OTOF: variants seen among roughly 807,000 people sequenced by gnomAD.
OTOF encodes otoferlin, also known as fer-1-like family member 2.
A neutral mutation model predicts 236.8 loss-of-function variants in OTOF; 218 were observed. The ratio of observed to expected loss-of-function variants is 0.92; its 90% CI spans 0.82 to 1.03. OTOF has a LOEUF of 1.03. OTOF is among the 50% of genes least tolerant of loss of function. OTOF has a pLI of 0.00. For synonymous variants in OTOF, 1,041 were observed against 1,072.5 expected, an observed-to-expected ratio of 0.97 and a Z score of 0.57; for missense variants, 2,590 against 2,694.4, an observed-to-expected ratio of 0.96 and a Z score of 0.86.
chr2:26,486,664 A>G (rs932597745), intron 11 of OTOF, among the ~76,000 whole-genome samples: 4 of 152,212 alleles, frequency 2.6e-5, no homozygotes, highest in Admixed American at 1.3e-4. Context: ...GAAAGTGAAG[A>G]TATCTAAAAT....
At chr2:26,551,245 C>T (rs973913233) in intron 1 of OTOF, among the ~76,000 whole-genome samples, 6 of 152,258 alleles carry the variant, frequency 3.9e-5, no homozygotes, top group Non-Finnish European at 8.8e-5. Flanking sequence ...CCCGCCTTGG[C>T]CTCCCAAAGT....
At chr2:26,545,949 C>T (rs1426444771) in intron 1 of OTOF, among the ~76,000 whole-genome samples, 1 of 152,122 alleles carries the variant, frequency 6.6e-6, no homozygotes, top group Non-Finnish European at 1.5e-5. Flanking sequence ...GACCCTTGAA[C>T]AACACAGGGA....
intron 5 of OTOF, among the ~76,000 whole-genome samples, chr2:26,515,800 G>C (rs1020918575): frequency 1.3e-5 from 2 of 152,162 alleles, no homozygotes; most frequent in East Asian, 3.8e-4. Flanking sequence ...TAATACAATT[G>C]CATTTTCTGT....
In OTOF at chr2:26,461,034, T is replaced by C. The variant is rs1558465575; in HGVS notation, c.5534-4A>G. On this transcript the variant is annotated splice_polypyrimidine_tract_variant and splice_region_variant and intron_variant, in intron 43 of 46. Transcript: ENST00000272371. This position sits in a 1 kb window ranked among gnomAD's most constrained non-coding sequence, Gnocchi z 6.2. ...TTCAGGTCCAGCTCGATGGCCCCTG[T>C]GGCAACCTCAGTGTCAGCTCAGAGT... 4.5e-6 allele frequency: 6 copies of C among 1,332,438 alleles called. No individual in the cohort carries two copies. In the East Asian group the frequency reaches 2.5e-4, roughly 54 times the overall value. 82.5% of individuals were successfully genotyped at this position (1,332,438 alleles called of 1,614,324 possible).
Position 26,472,796 on chromosome 2 carries a change from G to A in OTOF, c.3734-147C>T, listed in dbSNP as rs1376272883. On this transcript the variant is annotated intron_variant, in intron 29 of 46. Transcript: ENST00000272371. ...ACAGGCAGTCAAGGGAGAAAATATGGGCATGGGGAGGGAAGAAGAGAGCCC... is the reference window on the plus strand; with the variant it reads ...ACAGGCAGTCAAGGGAGAAAATATGAGCATGGGGAGGGAAGAAGAGAGCCC... The A allele has an allele frequency of 5.9e-6, 5 of 841,128 alleles. No homozygotes were observed. The South Asian group carries it at 7.3e-5, about 12-fold the overall frequency. The allele number at this position is 841,128 out of a possible 1,614,324, so 52.1% of individuals were successfully genotyped here.
intron 1 of OTOF, among the ~76,000 whole-genome samples, chr2:26,546,536 C>T (rs1667337868): frequency 6.6e-6 from 1 of 151,790 alleles, no homozygotes; most frequent in East Asian, 1.9e-4. Context: ...GTGAACCCTC[C>T]AATTCTCTTC....
In OTOF at chr2:26,482,627, ATGTGTGTGTGAGTGGGTGCATGTG is replaced by A. The variant is rs775557512; in HGVS notation, c.1393-59_1393-36del. 1.0e-4 allele frequency: 162 copies of A among 1,586,092 alleles called. 3 individuals carry two copies. In the South Asian group the frequency reaches 1.7e-3, roughly 16 times the overall value. On this transcript the variant is annotated intron_variant, in intron 13 of 46. Transcript: ENST00000272371. ...GGGGGAGCACAGGTGAGGGCGTGGC[ATGTGTGTGTGAGTGGGTGCATGTG>A]TGTGTGTGTGAGTGGGCGCATGTGT...
intron 16 of OTOF, among the ~76,000 whole-genome samples, 192 bp downstream of exon 16, chr2:26,480,011 C>T (rs955370151): frequency 2.6e-5 from 4 of 152,266 alleles, no homozygotes; most frequent in Non-Finnish European, 5.9e-5. Context: ...GGGCGTGGTC[C>T]ACCCCATGCA....
chr2:26,512,631 T>C (rs887785268), intron 5 of OTOF, among the ~76,000 whole-genome samples: 2 of 152,304 alleles, frequency 1.3e-5, no homozygotes, highest in East Asian at 3.9e-4. Flanking sequence ...TCCCTATACC[T>C]GCCCCTGGGC....
intron 15 of OTOF, 116 bp downstream of exon 15, chr2:26,480,670 G>A: frequency 1.2e-6 from 1 of 842,390 alleles, no homozygotes; most frequent in Non-Finnish European, 2.0e-6. Flanking sequence ...TTATCCTGAG[G>A]TATGACTCCT....
chr2:26,536,972 C>T (rs377466545), intron 2 of OTOF, among the ~76,000 whole-genome samples: 3 of 152,174 alleles, frequency 2.0e-5, no homozygotes, highest in Middle Eastern at 3.2e-3. Context: ...GGCCAGGTAC[C>T]GAGGGGAAGG....
At chr2:26,540,627 C>G (rs1206828414) in intron 1 of OTOF, among the ~76,000 whole-genome samples, 1 of 152,072 alleles carries the variant, frequency 6.6e-6, no homozygotes, top group African/African-American at 2.4e-5. Flanking sequence ...TAGTTCAATG[C>G]AGAGCTCCCC....
In OTOF at chr2:26,532,929, T is replaced by C. The variant is rs145859293; in HGVS notation, c.138+4787A>G. Among the ~76,000 whole-genome samples the C allele has an allele frequency of 2.9e-4, 44 of 152,268 alleles. No individual in the cohort carries two copies. The East Asian group carries it at 7.3e-3, about 25-fold the overall frequency. ...TAGCATCCTTAAAGGGACAGGGCTATAGGTTTGGGGGAAAATATTGAGATG... is the reference window on the plus strand; with the variant it reads ...TAGCATCCTTAAAGGGACAGGGCTACAGGTTTGGGGGAAAATATTGAGATG... On this transcript the variant is annotated intron_variant, in intron 2 of 46. Coordinates refer to ENST00000272371, the MANE Select transcript of OTOF (RefSeq NM_194248.3).
intron 1 of OTOF, among the ~76,000 whole-genome samples, chr2:26,540,726 T>C (rs1330514140): frequency 2.0e-5 from 3 of 149,720 alleles, no homozygotes; most frequent in African/African-American, 7.4e-5. Context: ...TGTGTGTTCG[T>C]GTGTGTGTTT....
intron 30 of OTOF, among the ~76,000 whole-genome samples, chr2:26,471,651 T>C (rs1294180816): frequency 6.6e-5 from 10 of 152,224 alleles, no homozygotes; most frequent in Admixed American, 6.5e-4. Flanking sequence ...TGTCATTTGT[T>C]GGAGTAAAAA....
chr2:26,494,656 TG>T (rs143905954), intron 9 of OTOF, among the ~76,000 whole-genome samples: 12 of 118,564 alleles, frequency 1.0e-4, no homozygotes, highest in South Asian at 5.7e-4. Context: ...GGGAGTGGGG[TG>T]GGGGGGGGTT....
intron 16 of OTOF, 140 bp from the exon 17 acceptor site, chr2:26,479,793 C>T: frequency 1.2e-6 from 1 of 803,260 alleles, no homozygotes; most frequent in Non-Finnish European, 2.0e-6. Context: ...ACATCATTAG[C>T]CAGAGAGCAT....
At position 26,464,096 on chromosome 2, in the gene OTOF, C is replaced by A; in HGVS notation, c.4971G>T (p.Lys1657Asn). 1.2e-6 allele frequency: 2 copies of A among 1,613,572 alleles called. No homozygotes were observed. The highest frequency in any genetic ancestry group is 1.7e-6 in the Non-Finnish European group (2 of 1,180,010). ...ACAGCGCCACATGCTCGTCTGTGGG[C>A]TTCCTCTGACCTGTGGGTGCCGGCG... is the stretch of plus-strand genomic sequence containing the variant. ...SEIEDENGQR[K>N]PTDEHVALLA... Residue 1657 changes from lysine (K) to asparagine (N), a missense_variant, in exon 40 of 47, where the codon AAG (lysine) becomes AAT (asparagine). Physicochemically the swap from Lys to Asn is moderately conservative, Grantham distance 94. Transcript: ENST00000272371.
intron 12 of OTOF, 144 bp downstream of exon 12, chr2:26,484,330 G>A: frequency 1.2e-6 from 1 of 857,678 alleles, no homozygotes; most frequent in Non-Finnish European, 1.9e-6. Context: ...CCCTGCCTCG[G>A]AAGAGTGGGG....
Sources: allele counts gnomAD v4.1 joint callset (sites outside exome capture counted in the v4.1 genomes callset), GRCh38; gene constraint gnomAD v4.1.1; non-coding constraint Gnocchi (gnomAD v3.1); transcripts MANE v1.5; gene names NCBI Gene and HGNC (gene_info 2026-07-23, HGNC 2026-07-21).